PCLO: variants seen among roughly 807,000 people sequenced by gnomAD.
The protein encoded by PCLO is piccolo presynaptic cytomatrix protein.
In PCLO, 82 loss-of-function variants were observed where a neutral mutation model predicts 427.5. The ratio of observed to expected loss-of-function variants is 0.19; its 90% CI spans 0.16 to 0.23. The LOEUF (loss-of-function observed/expected upper bound fraction) is 0.23, where lower values mean the gene tolerates loss of function less well. PCLO is among the 10% of genes least tolerant of loss of function. PCLO has a pLI of 1.00. For missense variants in PCLO, 6,239 were observed against 6,115.9 expected (o/e 1.02, Z -0.67); for synonymous variants, 2,357 against 2,155.4 (o/e 1.09, Z -2.59).
intron 3 of PCLO, among the ~76,000 whole-genome samples, chr7:83,084,969 A>T (rs767869142): frequency 6.6e-6 from 1 of 152,178 alleles, no homozygotes; most frequent in Non-Finnish European, 1.5e-5. Context: ...AATATGACTC[A>T]TTATAATTTC....
At position 82,955,233 on chromosome 7, in the gene PCLO, C is replaced by T; in HGVS notation, c.5720G>A (p.Ser1907Asn). ...DEQSIMQKEGSQKALKSAEEM... is the reference protein window; with the variant it reads ...DEQSIMQKEGNQKALKSAEEM... ...CTCAGCACTTTTTAACGCCTTTTGG[C>T]TACCTTCTTTCTGCATAATAGATTG... is the stretch of plus-strand genomic sequence containing the variant. Residue 1907 changes from serine (S) to asparagine (N), a missense_variant, in exon 5 of 25, where the codon AGC (serine) becomes AAC (asparagine). By Grantham distance (46) the Ser-to-Asn change is conservative. This residue lies in a region of PCLO where 4,677 missense variants were observed against 4,468.4 expected (regional missense o/e 1.05). Coordinates refer to ENST00000333891, the MANE Select transcript of PCLO (RefSeq NM_033026.6). 1.2e-6 allele frequency: 2 copies of T among 1,613,796 alleles called. No homozygotes were observed. Among genetic ancestry groups the T allele is most frequent in the African/African-American group, 1.3e-5 (1 of 75,052 alleles).
intron 20 of PCLO, among the ~76,000 whole-genome samples, chr7:82,811,541 G>T (rs928699308): frequency 6.6e-6 from 1 of 151,452 alleles, no homozygotes; most frequent in Non-Finnish European, 1.5e-5. Flanking sequence ...GCATTATTTG[G>T]AATGTTTTCC....
intron 3 of PCLO, among the ~76,000 whole-genome samples, chr7:83,096,848 AATAT>A (rs1258572190): frequency 3.0e-5 from 1 of 33,598 alleles, no homozygotes; most frequent in South Asian, 6.3e-4. Context: ...ATATAATATA[AATAT>A]ATATAAAAAT....
Position 82,950,029 on chromosome 7 carries a change from G to A in PCLO, c.10559C>T (p.Thr3520Met), listed in dbSNP as rs966728230. 47 of 1,612,842 alleles carry A rather than the reference G, an allele frequency of 2.9e-5. No individual in the cohort carries two copies. The highest frequency in any genetic ancestry group is 3.6e-5 in the Non-Finnish European group (42 of 1,179,728). Reference protein sequence around the residue: ...LSKVSSIAVQTVAEISVQTEP... With the variant: ...LSKVSSIAVQMVAEISVQTEP... The stretch of plus-strand genomic sequence containing the variant: ...AGTTTGCACAGATATCTCTGCTACC[G>A]TTTGAACTGCTATGCTGGAGACTTT... Residue 3520 changes from threonine (T) to methionine (M), a missense_variant, in exon 6 of 25, where the codon ACG becomes ATG. Transcript: ENST00000333891.
intron 22 of PCLO, among the ~76,000 whole-genome samples, chr7:82,767,355 T>C (rs943168821): frequency 1.3e-5 from 2 of 151,834 alleles, no homozygotes; most frequent in African/African-American, 4.8e-5. Context: ...AATCTACAAC[T>C]TAAGAACAGG....
chr7:83,037,902 T>C (rs921688027), intron 3 of PCLO, among the ~76,000 whole-genome samples: 2 of 141,710 alleles, frequency 1.4e-5, no homozygotes, highest in African/African-American at 5.2e-5. Flanking sequence ...TGCCATATAA[T>C]GTTGGTTCTC....
chr7:82,873,818 T>TGGG (rs201751274), intron 10 of PCLO, among the ~76,000 whole-genome samples: 1 of 137,336 alleles, frequency 7.3e-6, no homozygotes, highest in Non-Finnish European at 1.6e-5. Context: ...AGTTCTAGAT[T>TGGG]GGGGGGGTGG....
intron 6 of PCLO, among the ~76,000 whole-genome samples, chr7:82,923,116 C>T (rs1044486157): frequency 1.6e-4 from 24 of 151,644 alleles, no homozygotes; most frequent in Non-Finnish European, 2.5e-4. Context: ...GTGAGTTAGA[C>T]GAGTATATAA....
intron 20 of PCLO, among the ~76,000 whole-genome samples, chr7:82,814,184 TTAATC>T (rs1014175490): frequency 9.2e-5 from 14 of 151,700 alleles, no homozygotes; most frequent in African/African-American, 3.1e-4. Context: ...TAAATATAAT[TTAATC>T]TATATCATTC....
rs757151745 is a variant in PCLO at position 83,138,813 on chromosome 7, A to C, written c.1894-3157T>G. On this transcript the variant is annotated intron_variant, in intron 2 of 24. Coordinates refer to ENST00000333891, the MANE Select transcript of PCLO (RefSeq NM_033026.6). ...GGACACAGGGAGGAGAACATCACAC[A>C]CTGGGGCCTCTCGGGGGGTGGGGAA... is the stretch of plus-strand genomic sequence containing the variant. Among the ~76,000 whole-genome samples, 52 of 148,876 alleles carry C rather than the reference A, an allele frequency of 3.5e-4. 1 individual carries two copies. Among genetic ancestry groups the C allele is most frequent in the Middle Eastern group, 6.9e-3 (2 of 288 alleles).
chr7:82,783,325 C>T (rs1325861510), intron 22 of PCLO, among the ~76,000 whole-genome samples: 2 of 152,208 alleles, frequency 1.3e-5, no homozygotes, highest in African/African-American at 4.8e-5. Flanking sequence ...AAAAATTGCA[C>T]CCTAGAGGGC....
At chr7:82,970,348 CTTCT>C (rs1424452896) in intron 3 of PCLO, among the ~76,000 whole-genome samples, 2 of 151,546 alleles carry the variant, frequency 1.3e-5, no homozygotes. Flanking sequence ...GTAAAATCTG[CTTCT>C]TTAAGATCAG....
chr7:82,829,135 C>T (rs1388618168), intron 16 of PCLO, among the ~76,000 whole-genome samples: 1 of 152,150 alleles, frequency 6.6e-6, no homozygotes, highest in South Asian at 2.1e-4. Flanking sequence ...GGATCAAACT[C>T]CAGCTCACCA....
At chr7:83,028,566 C>T (rs1356210182) in intron 3 of PCLO, among the ~76,000 whole-genome samples, 1 of 126,780 alleles carries the variant, frequency 7.9e-6, no homozygotes, top group Non-Finnish European at 1.7e-5. Context: ...CCATCCCCAT[C>T]AAGCTACCAA....
chr7:82,824,425 A>C lies in PCLO; in HGVS notation c.14416-9T>G. On this transcript the variant is annotated splice_polypyrimidine_tract_variant and intron_variant, in intron 18 of 24. Coordinates refer to ENST00000333891, the MANE Select transcript of PCLO (RefSeq NM_033026.6). ...GATAAATCAATCAATACCTGAAAAA[A>C]AGTGTAACAAATAAATGAAATTTAG... The C allele has an allele frequency of 6.5e-7, 1 of 1,545,938 alleles. No individual in the cohort carries two copies.
chr7:83,080,781 G>A (rs1371804488), intron 3 of PCLO, among the ~76,000 whole-genome samples: 2 of 151,892 alleles, frequency 1.3e-5, no homozygotes, highest in Non-Finnish European at 2.9e-5. Flanking sequence ...ATCTGTGGGG[G>A]GTACTTTCAA....
intron 10 of PCLO, among the ~76,000 whole-genome samples, chr7:82,862,770 T>C (rs1473939920): frequency 1.3e-5 from 2 of 151,966 alleles, no homozygotes; most frequent in Non-Finnish European, 2.9e-5. Flanking sequence ...AAACATCGCA[T>C]GTTCTCGATT....
At chr7:82,993,235 A>T (rs1429470376) in intron 3 of PCLO, among the ~76,000 whole-genome samples, 2 of 152,042 alleles carry the variant, frequency 1.3e-5, no homozygotes, top group African/African-American at 2.4e-5. Context: ...CTCAAAAACA[A>T]AATTTATATA....
chr7:83,087,344 G>A (rs1325728550), intron 3 of PCLO, among the ~76,000 whole-genome samples: 1 of 151,912 alleles, frequency 6.6e-6, no homozygotes, highest in Non-Finnish European at 1.5e-5. Context: ...AACTGCATAT[G>A]GGTACAACGT....
Sources: allele counts gnomAD v4.1 joint callset (sites outside exome capture counted in the v4.1 genomes callset), GRCh38; gene constraint gnomAD v4.1.1; regional missense constraint gnomAD v4.1.1; transcripts MANE v1.5; gene names NCBI Gene and HGNC (gene_info 2026-07-23, HGNC 2026-07-21).